Variants in COBLL1 observed in about 807,000 individuals in gnomAD.
COBLL1 encodes the protein cordon-bleu protein-like 1.
COBLL1 carries 50 observed loss-of-function variants against 94.8 expected under a neutral mutation model. That is an observed-to-expected ratio of 0.53 (90% CI 0.42 to 0.67). The LOEUF (loss-of-function observed/expected upper bound fraction) is 0.67, where lower values mean the gene tolerates loss of function less well. Ranked by LOEUF, COBLL1 falls within the 30% of genes least tolerant of loss-of-function variation. COBLL1 has a pLI of 0.00. For missense variants in COBLL1, 1,362 were observed against 1,348.7 expected, an observed-to-expected ratio of 1.01 and a Z score of -0.15; for synonymous variants, 448 against 473.8, an observed-to-expected ratio of 0.95 and a Z score of 0.71.
chr2:164,712,627 A>T (rs1684955025), intron 7 of COBLL1, among the ~76,000 whole-genome samples: 1 of 152,044 alleles, frequency 6.6e-6, no homozygotes. Context: ...ATGTTAAAAA[A>T]TTTTTACAAC....
At chr2:164,772,048 T>C (rs1476215363) in intron 2 of COBLL1, 1 of 151,974 alleles carries the variant, frequency 6.6e-6, no homozygotes, top group Non-Finnish European at 1.5e-5. Flanking sequence ...CTCTTCCTTA[T>C]TAATGACATC....
At chr2:164,822,087 A>G (rs1485319846) in intron 2 of COBLL1, among the ~76,000 whole-genome samples, 1 of 152,242 alleles carries the variant, frequency 6.6e-6, no homozygotes, top group Non-Finnish European at 1.5e-5. Context: ...TAGGTAATAG[A>G]TAAGTAATCC....
intron 7 of COBLL1, among the ~76,000 whole-genome samples, chr2:164,708,172 C>G (rs928390680): frequency 6.6e-6 from 1 of 152,144 alleles, no homozygotes; most frequent in African/African-American, 2.4e-5. Context: ...AAACTTCTCT[C>G]CTACTAGTTG....
intron 2 of COBLL1, among the ~76,000 whole-genome samples, chr2:164,766,077 C>T (rs548482600): frequency 1.1e-4 from 17 of 152,286 alleles, no homozygotes; most frequent in African/African-American, 4.1e-4. Flanking sequence ...GCTTCTTCCA[C>T]TGAAGCAGCT....
chr2:164,663,286 A>C (rs1369119059), intron 2 of COBLL1, among the ~76,000 whole-genome samples: 3 of 152,224 alleles, frequency 2.0e-5, no homozygotes, highest in African/African-American at 7.2e-5. Context: ...GTCTACCACA[A>C]TAAATTCTAA....
At chr2:164,661,228 T>C (rs991665747) in intron 2 of COBLL1, among the ~76,000 whole-genome samples, 3 of 152,048 alleles carry the variant, frequency 2.0e-5, no homozygotes, top group Non-Finnish European at 2.9e-5. Flanking sequence ...ATGATATTTA[T>C]ATATTAAGAA....
chr2:164,704,608 G>A, intron 8 of COBLL1, 90 bp from the exon 9 acceptor site: 1 of 1,106,524 alleles, frequency 9.0e-7, no homozygotes, highest in Non-Finnish European at 1.4e-6. Flanking sequence ...AGTTCAGAAA[G>A]CAGTAAGCCT....
At chr2:164,730,701 G>A (rs1037847092) in intron 3 of COBLL1, among the ~76,000 whole-genome samples, 1 of 152,138 alleles carries the variant, frequency 6.6e-6, no homozygotes, top group Non-Finnish European at 1.5e-5. Context: ...TTCAGGAGGA[G>A]GAGTCCTTTC....
At chr2:164,687,679 G>A (rs1683373436) in intron 13 of COBLL1, 1 of 757,152 alleles carries the variant, frequency 1.3e-6, no homozygotes, top group Admixed American at 1.8e-5. Context: ...ACCTATAGAG[G>A]AAACAGGCTG....
At chr2:164,687,524 CT>C in intron 13 of COBLL1, 1 of 1,373,162 alleles carries the variant, frequency 7.3e-7, no homozygotes, top group Non-Finnish European at 1.0e-6. Flanking sequence ...GACATGGTAA[CT>C]TGGCCAATGT....
At chr2:164,693,900 T>C (rs1411673984) in intron 12 of COBLL1, among the ~76,000 whole-genome samples, 1 of 152,086 alleles carries the variant, frequency 6.6e-6, no homozygotes, top group African/African-American at 2.4e-5. Context: ...TACTATTACA[T>C]AGTAATGTAA....
At chr2:164,698,797 T>C (rs1265695414) in intron 11 of COBLL1, among the ~76,000 whole-genome samples, 4 of 151,798 alleles carry the variant, frequency 2.6e-5, no homozygotes, top group African/African-American at 4.8e-5. Context: ...TGGATAAAAA[T>C]TGAATGGGTA....
At chr2:164,809,539 C>G (rs974499932) in intron 2 of COBLL1, among the ~76,000 whole-genome samples, 1 of 151,882 alleles carries the variant, frequency 6.6e-6, no homozygotes, top group African/African-American at 2.4e-5. Flanking sequence ...CTTTCAAGAA[C>G]AAATAGCCAA....
intron 1 of COBLL1, among the ~76,000 whole-genome samples, chr2:164,668,211 G>A (rs188695396): frequency 3.2e-4 from 49 of 151,834 alleles, no homozygotes; most frequent in African/African-American, 1.1e-3. Flanking sequence ...TGATCTACCC[G>A]CCTTGGCCTC....
Position 164,729,976 on chromosome 2 carries a change from C to T in COBLL1, c.370G>A (p.Glu124Lys). 1 of 1,614,048 alleles carries T rather than the reference C, an allele frequency of 6.2e-7. No homozygotes were observed. The highest frequency in any genetic ancestry group is 8.5e-7 in the Non-Finnish European group (1 of 1,179,982). Residue 124 changes from glutamate (E) to lysine (K), a missense_variant, in exon 4 of 14, where the codon GAG (glutamate) becomes AAG (lysine). Transcript: ENST00000652658. The stretch of plus-strand genomic sequence containing the variant: ...ATTTTTGGCTTTAAAATTACCTTCT[C>T]TACCTCCAACATTCCTATTGGTGTG... Reference protein sequence around the residue: ...PNTPIGMLEVEKVILKPKMLD... With the variant: ...PNTPIGMLEVKKVILKPKMLD...
intron 13 of COBLL1, among the ~76,000 whole-genome samples, chr2:164,686,741 G>A (rs1021135361): frequency 6.6e-6 from 1 of 152,016 alleles, no homozygotes; most frequent in African/African-American, 2.4e-5. Flanking sequence ...AAAATGTAAA[G>A]TCATCTGTAT....
At chr2:164,775,570 C>T (rs1016351412) in intron 2 of COBLL1, among the ~76,000 whole-genome samples, 1 of 152,184 alleles carries the variant, frequency 6.6e-6, no homozygotes, top group Non-Finnish European at 1.5e-5. Flanking sequence ...TCAAGTAATT[C>T]TCCTGCCTCA....
chr2:164,725,134 A>ATATATATATATATATAT (rs1558956185), intron 5 of COBLL1: 28 of 55,346 alleles, frequency 5.1e-4, no homozygotes, highest in African/African-American at 2.1e-3. Context: ...ATATATATAT[A>ATATATATATATATATAT]AAATGAAAGC....
intron 2 of COBLL1, among the ~76,000 whole-genome samples, chr2:164,766,993 G>A (rs144927550): frequency 1.3e-5 from 2 of 152,264 alleles, no homozygotes; most frequent in African/African-American, 4.8e-5. Flanking sequence ...CAGATCAATG[G>A]TTTGGTATAA....
Sources: allele counts gnomAD v4.1 joint callset (sites outside exome capture counted in the v4.1 genomes callset), GRCh38; gene constraint gnomAD v4.1.1; transcripts MANE v1.5; gene names NCBI Gene and HGNC (gene_info 2026-07-23, HGNC 2026-07-21).